The following TCEA3 variants were observed in gnomAD, a reference collection of about 807,000 sequenced individuals.
TCEA3 encodes transcription elongation factor A3, also known as transcription elongation factor A protein 3.
TCEA3 carries 36 observed loss-of-function variants against 44.0 expected under a neutral mutation model. The ratio of observed to expected loss-of-function variants is 0.82; its 90% CI spans 0.63 to 1.08. The LOEUF (loss-of-function observed/expected upper bound fraction) is 1.08. Among genes scored for constraint, TCEA3 ranks in the 50% least tolerant of loss-of-function variants. TCEA3 has a pLI of 0.00. For missense variants in TCEA3, 392 were observed against 441.2 expected (o/e 0.89, Z 1.00); for synonymous variants, 162 against 159.7 (o/e 1.01, Z -0.11).
At chr1:23,422,548 C>T (rs1570302182) in intron 1 of TCEA3, among the ~76,000 whole-genome samples, 1 of 152,164 alleles carries the variant, frequency 6.6e-6, no homozygotes, top group East Asian at 1.9e-4. Flanking sequence ...CCTCCTCTGC[C>T]TAACCACTGC....
chr1:23,399,613 T>C (rs1215440107), intron 5 of TCEA3, among the ~76,000 whole-genome samples: 1 of 152,162 alleles, frequency 6.6e-6, no homozygotes, highest in African/African-American at 2.4e-5. Flanking sequence ...CGTTTGCTTA[T>C]GCCTATTTGC....
At chr1:23,414,789 GA>G (rs1639838394) in intron 4 of TCEA3, among the ~76,000 whole-genome samples, 2 of 152,228 alleles carry the variant, frequency 1.3e-5, no homozygotes, top group East Asian at 3.9e-4. Flanking sequence ...GCTAAACTAA[GA>G]CAACTAAAAT....
At chr1:23,384,285 C>G (rs779964668) in intron 10 of TCEA3, 61 bp downstream of exon 10, 2 of 1,612,538 alleles carry the variant, frequency 1.2e-6, no homozygotes, top group Non-Finnish European at 1.7e-6. Context: ...GGGTACACTA[C>G]GCCTTATGCG....
At chr1:23,406,739 C>T (rs546388540) in intron 5 of TCEA3, among the ~76,000 whole-genome samples, 10 of 152,248 alleles carry the variant, frequency 6.6e-5, no homozygotes, top group East Asian at 5.8e-4. Context: ...CTCCGCCTCC[C>T]GGGTTCAAGT....
intron 10 of TCEA3, chr1:23,383,984 T>C (rs1558015173): frequency 9.1e-7 from 1 of 1,096,452 alleles, no homozygotes; most frequent in Non-Finnish European, 1.1e-6. Flanking sequence ...GGAAATACCA[T>C]CTGTGGAAGC....
In TCEA3 at chr1:23,397,729, C is replaced by A. The variant is rs1639260865; in HGVS notation, c.607+63G>T. 1.9e-6 allele frequency: 3 copies of A among 1,611,146 alleles called. No homozygotes were observed. The East Asian group carries it at 6.7e-5, about 36-fold the overall frequency. On this transcript the variant is annotated intron_variant, in intron 6 of 10. Transcript: ENST00000450454. ...GCTGAGAAAGACTGAATTTCATCTG[C>A]CCTCAGTGAGATTGGGAAAAGGGAC...
intron 8 of TCEA3, among the ~76,000 whole-genome samples, chr1:23,390,223 C>G (rs1465719915): frequency 6.6e-6 from 1 of 152,198 alleles, no homozygotes; most frequent in African/African-American, 2.4e-5. Flanking sequence ...AATCCCAGCA[C>G]TTCAGGAAGC....
At chr1:23,392,478 C>CAT in intron 8 of TCEA3, among the ~76,000 whole-genome samples, 1 of 51,060 alleles carries the variant, frequency 2.0e-5, no homozygotes, top group Admixed American at 2.4e-4. Context: ...ATACACACCA[C>CAT]ACACTCCACA....
intron 8 of TCEA3, among the ~76,000 whole-genome samples, chr1:23,390,375 G>A (rs936757994): frequency 4.6e-5 from 7 of 152,136 alleles, no homozygotes; most frequent in African/African-American, 1.7e-4. Flanking sequence ...TAACTACTTG[G>A]GAGGCTGAGG....
intron 5 of TCEA3, among the ~76,000 whole-genome samples, chr1:23,398,497 G>A (rs1172983703): frequency 6.6e-6 from 1 of 152,194 alleles, no homozygotes; most frequent in Non-Finnish European, 1.5e-5. Flanking sequence ...CTTCCCTTAA[G>A]GGGCTTACAG....
intron 1 of TCEA3, among the ~76,000 whole-genome samples, chr1:23,422,386 G>C (rs902477123): frequency 6.6e-6 from 1 of 152,332 alleles, no homozygotes; most frequent in East Asian, 1.9e-4. Context: ...AGCTGTGACC[G>C]TAGGCACTTG....
intron 4 of TCEA3, 99 bp downstream of exon 4, chr1:23,417,150 C>A (rs1639915216): frequency 1.4e-6 from 2 of 1,435,350 alleles, no homozygotes; most frequent in South Asian, 1.4e-5. Context: ...ATATCTTCCT[C>A]CCCAGGATGA....
intron 8 of TCEA3, among the ~76,000 whole-genome samples, chr1:23,389,448 C>T (rs1638953382): frequency 6.7e-6 from 1 of 148,654 alleles, no homozygotes; most frequent in Non-Finnish European, 1.5e-5. Context: ...GAGACTGCAC[C>T]ATTGCACTCC....
At chr1:23,384,238 G>A in intron 10 of TCEA3, 108 bp downstream of exon 10, 2 of 1,593,500 alleles carry the variant, frequency 1.3e-6, no homozygotes, top group East Asian at 4.5e-5. Context: ...GTGCAGGCTG[G>A]CAAGTGCTGC....
chr1:23,399,043 C>T (rs1639302336), intron 5 of TCEA3, among the ~76,000 whole-genome samples: 1 of 150,560 alleles, frequency 6.6e-6, no homozygotes, highest in South Asian at 2.1e-4. Flanking sequence ...GCTGGGATTA[C>T]AGGTGTGAGC....
chr1:23,421,491 C>G (rs1247150570), intron 1 of TCEA3, among the ~76,000 whole-genome samples: 1 of 111,924 alleles, frequency 8.9e-6, no homozygotes, highest in Non-Finnish European at 2.1e-5. Context: ...CGTTTAACAA[C>G]CAGTTCTCAA....
At chr1:23,400,942 G>C (rs528323895) in intron 5 of TCEA3, among the ~76,000 whole-genome samples, 1 of 152,314 alleles carries the variant, frequency 6.6e-6, no homozygotes, top group East Asian at 1.9e-4. Context: ...CTGTGGACAT[G>C]CTACTTCCTT....
Position 23,413,363 on chromosome 1 carries a change from A to G in TCEA3, c.380+3886T>C, listed in dbSNP as rs191480710. On this transcript the variant is annotated intron_variant, in intron 4 of 10. Coordinates refer to ENST00000450454, the MANE Select transcript of TCEA3 (RefSeq NM_003196.3). Reference sequence around the variant, plus strand: ...CATTGGTCTCTAACTCCTGAGCTCAAGTAATCCACCTGCCTCCACCTCCCA... The same window carrying G: ...CATTGGTCTCTAACTCCTGAGCTCAGGTAATCCACCTGCCTCCACCTCCCA... 5.9e-5 allele frequency among the ~76,000 whole-genome samples: 9 copies of G among 152,142 alleles called. No homozygotes were observed. The East Asian group carries it at 1.7e-3, about 29-fold the overall frequency.
chr1:23,405,506 G>A (rs1639518406), intron 5 of TCEA3, among the ~76,000 whole-genome samples: 3 of 151,948 alleles, frequency 2.0e-5, no homozygotes, highest in South Asian at 4.1e-4. Flanking sequence ...TGAGGCAGGA[G>A]AATCACTTGA....
Sources: allele counts gnomAD v4.1 joint callset (sites outside exome capture counted in the v4.1 genomes callset), GRCh38; gene constraint gnomAD v4.1.1; transcripts MANE v1.5; gene names NCBI Gene and HGNC (gene_info 2026-07-23, HGNC 2026-07-21).